The following THAP12 variants were observed in gnomAD, a reference collection of about 807,000 sequenced individuals.
THAP12 encodes the protein 52 kDa repressor of the inhibitor of the protein kinase.
In THAP12, 20 loss-of-function variants were observed where a neutral mutation model predicts 63.0. The ratio of observed to expected loss-of-function variants is 0.32; its 90% confidence interval spans 0.22 to 0.46. The LOEUF is 0.46. Among genes scored for constraint, THAP12 ranks in the 20% least tolerant of loss-of-function variants. The probability of loss-of-function intolerance (pLI) is 1.00; values close to 1 mark genes in which losing one functional copy is unlikely to be tolerated. For missense variants in THAP12, 568 were observed against 908.2 expected (o/e 0.63, Z 4.81); for synonymous variants, 264 against 328.4 (o/e 0.80, Z 2.12).
intron 4 of THAP12, among the ~76,000 whole-genome samples, chr11:76,353,220 T>C (rs1325428077): frequency 6.6e-6 from 1 of 152,180 alleles, no homozygotes; most frequent in African/African-American, 2.4e-5. Flanking sequence ...ACTTTCCACA[T>C]ATGTAATGAA....
At chr11:76,359,488 A>T (rs1946583446) in intron 3 of THAP12, 1 of 152,220 alleles carries the variant, frequency 6.6e-6, no homozygotes, top group African/African-American at 2.4e-5. Context: ...AGCAATTATA[A>T]TGAAAATCCC....
chr11:76,381,097 C>A lies in THAP12; in HGVS notation c.-261G>T. 5.3e-6 allele frequency: 1 copy of A among 187,364 alleles called. No homozygotes were observed. Among genetic ancestry groups the A allele is most frequent in the Non-Finnish European group, 1.1e-5 (1 of 91,868 alleles). The allele number at this position is 187,364 out of a possible 1,614,324, so 11.6% of individuals were successfully genotyped here. Reference sequence around the variant, plus strand: ...GCCGCCGCCGCTGGTGCACCTCCCGCCCGCCCGAGACGCTGCCGCCTCCTT... The same window carrying A: ...GCCGCCGCCGCTGGTGCACCTCCCGACCGCCCGAGACGCTGCCGCCTCCTT... On this transcript the variant is annotated 5_prime_UTR_variant, in exon 1 of 5. Transcript: ENST00000260045.
At chr11:76,370,843 A>AATAT (rs1555025511) in intron 1 of THAP12, among the ~76,000 whole-genome samples, 1,581 of 141,302 alleles carry the variant, frequency 0.011, 22 homozygotes, top group African/African-American at 0.034. Context: ...AAAAAAAAAA[A>AATAT]ATATATATAT....
At chr11:76,358,739 T>C (rs557339696) in intron 3 of THAP12, 1 of 151,710 alleles carries the variant, frequency 6.6e-6, no homozygotes, top group Non-Finnish European at 1.5e-5. Flanking sequence ...GCCCAGGAGG[T>C]GGAGGCTGCA....
chr11:76,381,065 T>TACC lies in THAP12; in HGVS notation c.-232_-230dup, dbSNP rs1275126758. 10 of 201,290 alleles carry TACC rather than the reference T, an allele frequency of 5.0e-5. No homozygotes were observed. The highest frequency in any genetic ancestry group is 8.9e-5 in the Non-Finnish European group (9 of 101,618). The allele number at this position is 201,290 out of a possible 1,614,324, so 12.5% of individuals were successfully genotyped here. A position where few individuals can be genotyped will look rare whatever the true frequency, so the allele number is the denominator to read the frequency against. ...AGTGCTGTGAGCGGCCGGGAGGATTTACCGCCGCCGCCGCCGCTGGTGCAC... is the reference window on the plus strand; with the variant it reads ...AGTGCTGTGAGCGGCCGGGAGGATTTACCACCGCCGCCGCCGCCGCTGGTGCAC... On this transcript the variant is annotated 5_prime_UTR_variant, in exon 1 of 5. Transcript: ENST00000260045.
At chr11:76,371,708 T>C (rs1175112680) in intron 1 of THAP12, among the ~76,000 whole-genome samples, 2 of 151,446 alleles carry the variant, frequency 1.3e-5, no homozygotes, top group Non-Finnish European at 2.9e-5. Context: ...TCCTACTCTA[T>C]CCCTTTTCCA....
intron 1 of THAP12, among the ~76,000 whole-genome samples, chr11:76,373,268 C>T (rs1189783566): frequency 6.7e-6 from 1 of 149,598 alleles, no homozygotes; most frequent in Non-Finnish European, 1.5e-5. Flanking sequence ...ATTACTTGAG[C>T]GCAGGAGGCA....
chr11:76,381,092 T>G lies in THAP12; in HGVS notation c.-256A>C. 5.5e-6 allele frequency: 1 copy of G among 180,736 alleles called. No individual in the cohort carries two copies. The highest frequency in any genetic ancestry group is 1.1e-5 in the Non-Finnish European group (1 of 88,072). The allele number at this position is 180,736 out of a possible 1,614,324, so 11.2% of individuals were successfully genotyped here. ...CCGCCGCCGCCGCCGCTGGTGCACC[T>G]CCCGCCCGCCCGAGACGCTGCCGCC... On this transcript the variant is annotated 5_prime_UTR_variant, in exon 1 of 5. Coordinates refer to ENST00000260045, the MANE Select transcript of THAP12 (RefSeq NM_004705.4).
chr11:76,355,707 C>T (rs1165397269), intron 3 of THAP12, 53 bp from the exon 4 acceptor site: 11 of 1,438,026 alleles, frequency 7.6e-6, no homozygotes, highest in Admixed American at 2.2e-5. Context: ...AAAAACTGAC[C>T]TCTAGTGTAT....
At chr11:76,355,046 A>G (rs1311274710) in intron 4 of THAP12, among the ~76,000 whole-genome samples, 2 of 152,254 alleles carry the variant, frequency 1.3e-5, no homozygotes, top group Non-Finnish European at 2.9e-5. Context: ...TAAGCACTCA[A>G]TAAAATGCTA....
At chr11:76,380,120 T>C (rs1363278045) in intron 1 of THAP12, among the ~76,000 whole-genome samples, 2 of 152,142 alleles carry the variant, frequency 1.3e-5, no homozygotes, top group African/African-American at 4.8e-5. Context: ...GTGGGGGTTA[T>C]CCGAAGGAAG....
intron 2 of THAP12, among the ~76,000 whole-genome samples, chr11:76,362,899 T>C (rs1343020075): frequency 1.3e-5 from 2 of 152,236 alleles, no homozygotes; most frequent in Non-Finnish European, 2.9e-5. Context: ...TCCAACACTT[T>C]GGGAGGCCTT....
chr11:76,351,706 T>A lies in THAP12; in HGVS notation c.1444A>T (p.Thr482Ser). Residue 482 changes from threonine to serine, a missense_variant, in exon 5 of 5, where the codon ACT becomes TCT. Coordinates refer to ENST00000260045, the MANE Select transcript of THAP12 (RefSeq NM_004705.4). Reference sequence around the variant, plus strand: ...AGGACATTTTTAAGAACAACAATAGTAACAATGAAATCAAAATCTGACACT... The same window carrying A: ...AGGACATTTTTAAGAACAACAATAGAAACAATGAAATCAAAATCTGACACT... Reference protein sequence around the residue: ...SAVSDFDFIVTIVVLKNVLSF... With the variant: ...SAVSDFDFIVSIVVLKNVLSF... 1.2e-6 allele frequency: 2 copies of A among 1,603,542 alleles called. No individual in the cohort carries two copies. Among genetic ancestry groups the A allele is most frequent in the Non-Finnish European group, 1.7e-6 (2 of 1,175,888 alleles).
At chr11:76,354,197 C>A (rs550626768) in intron 4 of THAP12, among the ~76,000 whole-genome samples, 18 of 152,222 alleles carry the variant, frequency 1.2e-4, no homozygotes, top group African/African-American at 3.9e-4. Flanking sequence ...CTAGTCTGAC[C>A]GGAGCCTGTG....
intron 2 of THAP12, among the ~76,000 whole-genome samples, chr11:76,361,886 A>T (rs928688365): frequency 7.9e-5 from 12 of 152,246 alleles, no homozygotes; most frequent in African/African-American, 2.7e-4. Flanking sequence ...CATCTGCCAC[A>T]TGAAACCAAC....
intron 2 of THAP12, among the ~76,000 whole-genome samples, chr11:76,363,611 C>G (rs936033116): frequency 7.7e-6 from 1 of 129,928 alleles, no homozygotes; most frequent in Non-Finnish European, 1.7e-5. Context: ...GTTTTTGAGA[C>G]ACAGTCTCAC....
chr11:76,365,799 G>GA, intron 2 of THAP12, 53 bp downstream of exon 2: 1 of 1,567,554 alleles, frequency 6.4e-7, no homozygotes, highest in Non-Finnish European at 8.7e-7. Flanking sequence ...CAGACACAGT[G>GA]AGAGAGAGAA....
Position 76,352,454 on chromosome 11 carries a change from T to G in THAP12, c.696A>C (p.Lys232Asn). 1.2e-6 allele frequency: 2 copies of G among 1,611,988 alleles called. No homozygotes were observed. Among genetic ancestry groups the G allele is most frequent in the Non-Finnish European group, 1.7e-6 (2 of 1,179,846 alleles). Reference sequence around the variant, plus strand: ...TCTCTAGCATCTGCCTCTGCTGTGTTTTTGAACAAAACAACGTGTTAACTG... The same window carrying G: ...TCTCTAGCATCTGCCTCTGCTGTGTGTTTGAACAAAACAACGTGTTAACTG... ...TTAVNTLFCS[K>N]TQQRQMLEIC... The change falls in exon 5 of 5, where the codon AAA (lysine) becomes AAC (asparagine). Residue 232 changes from lysine to asparagine, a missense_variant. By Grantham distance (94) the Lys-to-Asn change is moderately conservative. Coordinates refer to ENST00000260045, the MANE Select transcript of THAP12 (RefSeq NM_004705.4).
intron 1 of THAP12, chr11:76,368,743 T>C (rs1367073606): frequency 6.6e-6 from 1 of 152,182 alleles, no homozygotes; most frequent in Non-Finnish European, 1.5e-5. Flanking sequence ...CTCCTACTTG[T>C]ACACCATACA....
Sources: allele counts gnomAD v4.1 joint callset (sites outside exome capture counted in the v4.1 genomes callset), GRCh38; gene constraint gnomAD v4.1.1; transcripts MANE v1.5; gene names NCBI Gene and HGNC (gene_info 2026-07-23, HGNC 2026-07-21).